LRFN5: variants seen among roughly 807,000 people sequenced by gnomAD.
LRFN5 encodes the protein leucine rich repeat and fibronectin type III domain containing 5, also known as leucine-rich repeat and fibronectin type-III domain-containing protein 5.
LRFN5 carries 24 observed loss-of-function variants against 45.6 expected under a neutral mutation model. That is an observed-to-expected ratio of 0.53 (90% CI 0.38 to 0.74). The LOEUF is 0.74. LRFN5 is among the 30% of genes least tolerant of loss of function. LRFN5 has a pLI of 0.00. For synonymous variants in LRFN5, 340 were observed against 313.8 expected (o/e 1.08, Z -0.88); for missense variants, 776 against 861.5 (o/e 0.90, Z 1.24).
intron 2 of LRFN5, among the ~76,000 whole-genome samples, chr14:41,846,989 A>G (rs542987791): frequency 6.6e-6 from 1 of 152,290 alleles, no homozygotes; most frequent in South Asian, 2.1e-4. Flanking sequence ...TGCTGTGTAA[A>G]GTAACATTCA....
chr14:41,886,495 A>C, intron 2 of LRFN5, 111 bp from the exon 3 acceptor site: 2 of 738,200 alleles, frequency 2.7e-6, no homozygotes, highest in Non-Finnish European at 4.2e-6. Flanking sequence ...TAAGCAAACA[A>C]GTGAAATTAT....
intron 1 of LRFN5, among the ~76,000 whole-genome samples, chr14:41,610,928 T>C (rs906201131): frequency 6.6e-6 from 1 of 152,110 alleles, no homozygotes; most frequent in Non-Finnish European, 1.5e-5. Context: ...ATTGATATCA[T>C]ACTTACAATA....
At chr14:41,700,853 A>C (rs894845752) in intron 1 of LRFN5, 2 of 152,150 alleles carry the variant, frequency 1.3e-5, no homozygotes, top group African/African-American at 4.8e-5. Flanking sequence ...AATGCAAGGT[A>C]GTTAACCTCC....
chr14:41,679,642 T>G (rs936056259), intron 1 of LRFN5, among the ~76,000 whole-genome samples: 1 of 152,016 alleles, frequency 6.6e-6, no homozygotes, highest in African/African-American at 2.4e-5. Flanking sequence ...TTCTGTGAGA[T>G]TCAAGGATGT....
At chr14:41,630,738 T>C (rs948385650) in intron 1 of LRFN5, among the ~76,000 whole-genome samples, 10 of 152,136 alleles carry the variant, frequency 6.6e-5, no homozygotes, top group Non-Finnish European at 1.5e-4. Context: ...TAAATTTATC[T>C]GCTCGAGTTT....
At chr14:41,724,482 C>T (rs975559259) in intron 1 of LRFN5, among the ~76,000 whole-genome samples, 7 of 151,966 alleles carry the variant, frequency 4.6e-5, no homozygotes, top group South Asian at 2.1e-4. Context: ...AAAATATATT[C>T]TAAAATGCTG....
At chr14:41,668,992 GA>G (rs1042805726) in intron 1 of LRFN5, among the ~76,000 whole-genome samples, 18 of 151,910 alleles carry the variant, frequency 1.2e-4, no homozygotes, top group Non-Finnish European at 2.2e-4. Flanking sequence ...ATAAAGAAGA[GA>G]AAAAAAGTAG....
chr14:41,734,050 A>T (rs1594656447), intron 1 of LRFN5, among the ~76,000 whole-genome samples: 3 of 108,570 alleles, frequency 2.8e-5, no homozygotes, highest in African/African-American at 7.9e-5. Flanking sequence ...TTTGTGATGG[A>T]GTTTCACTCT....
At chr14:41,745,347 A>T (rs1026143689) in intron 1 of LRFN5, among the ~76,000 whole-genome samples, 1 of 152,070 alleles carries the variant, frequency 6.6e-6, no homozygotes, top group Non-Finnish European at 1.5e-5. Flanking sequence ...AAACAAAATC[A>T]TAATATATCA....
chr14:41,784,962 G>A (rs529648656), intron 2 of LRFN5, among the ~76,000 whole-genome samples: 2 of 152,068 alleles, frequency 1.3e-5, no homozygotes, highest in African/African-American at 4.8e-5. Flanking sequence ...TGTACATTTA[G>A]CATTACCATG....
intron 2 of LRFN5, 96 bp from the exon 3 acceptor site, chr14:41,886,510 C>T (rs1471402967): frequency 7.4e-6 from 6 of 810,958 alleles, no homozygotes; most frequent in Non-Finnish European, 1.1e-5. Context: ...AATTATTTCT[C>T]TATTCTAGAT....
intron 1 of LRFN5, among the ~76,000 whole-genome samples, chr14:41,684,519 A>C (rs1053033018): frequency 2.0e-5 from 3 of 152,120 alleles, no homozygotes; most frequent in African/African-American, 7.2e-5. Flanking sequence ...ACAAGACAGC[A>C]TGTGGGAAAC....
chr14:41,841,437 T>C (rs1888855461), intron 2 of LRFN5, among the ~76,000 whole-genome samples: 2 of 152,148 alleles, frequency 1.3e-5, no homozygotes, highest in Admixed American at 6.5e-5. Context: ...TTTGTATGTG[T>C]ATGTGTTACA....
At chr14:41,810,779 C>A (rs1466160874) in intron 2 of LRFN5, among the ~76,000 whole-genome samples, 1 of 152,014 alleles carries the variant, frequency 6.6e-6, no homozygotes, top group African/African-American at 2.4e-5. Flanking sequence ...CAATAACACA[C>A]CCAAACAACC....
intron 5 of LRFN5, among the ~76,000 whole-genome samples, chr14:41,903,291 T>C (rs534349450): frequency 1.3e-5 from 2 of 151,524 alleles, no homozygotes; most frequent in African/African-American, 2.4e-5. Flanking sequence ...CATTTTAATA[T>C]AGAATACTAA....
intron 1 of LRFN5, among the ~76,000 whole-genome samples, chr14:41,682,554 T>C (rs1205459900): frequency 6.6e-6 from 1 of 151,794 alleles, no homozygotes; most frequent in Non-Finnish European, 1.5e-5. Flanking sequence ...AGACAAACAA[T>C]TGACAAATAT....
At position 41,854,108 on chromosome 14, in the gene LRFN5, C is replaced by A. The variant is rs190909603; in HGVS notation, c.-20-32498C>A. On this transcript the variant is annotated intron_variant, in intron 2 of 5. Coordinates refer to ENST00000298119, the MANE Select transcript of LRFN5 (RefSeq NM_152447.5). The stretch of plus-strand genomic sequence containing the variant: ...TGCATATTTGTTTAATAAGAGAGCA[C>A]CAGAACACATTTGTGTGCTATTAGA... Among the ~76,000 whole-genome samples, 8 of 152,144 alleles carry A rather than the reference C, an allele frequency of 5.3e-5. No individual in the cohort carries two copies. In the East Asian group the frequency reaches 1.5e-3, roughly 29 times the overall value.
chr14:41,874,286 T>A (rs1890116956), intron 2 of LRFN5, among the ~76,000 whole-genome samples: 1 of 152,174 alleles, frequency 6.6e-6, no homozygotes. Context: ...GTTGGAATCT[T>A]AGATACCTAA....
intron 1 of LRFN5, among the ~76,000 whole-genome samples, chr14:41,762,269 T>G (rs547158864): frequency 2.0e-5 from 3 of 152,268 alleles, no homozygotes; most frequent in East Asian, 1.9e-4. Flanking sequence ...GCAAGATTTA[T>G]GCTTTATTTA....
Sources: gnomAD v4.1 joint callset for allele counts (sites outside exome capture counted in the v4.1 genomes callset) on GRCh38, gnomAD v4.1.1 for gene constraint, MANE v1.5 for transcripts, NCBI Gene and HGNC (gene_info 2026-07-23, HGNC 2026-07-21) for gene names.